TM9SF3: variants seen among roughly 807,000 people sequenced by gnomAD.
TM9SF3 encodes transmembrane 9 superfamily member 3.
TM9SF3 carries 14 observed loss-of-function variants against 78.6 expected under a neutral mutation model. The ratio of observed to expected loss-of-function variants is 0.18; its 90% CI spans 0.12 to 0.28. TM9SF3 has a LOEUF of 0.28. Among genes scored for constraint, TM9SF3 ranks in the 10% least tolerant of loss-of-function variants. TM9SF3 has a pLI of 1.00. For synonymous variants in TM9SF3, 231 were observed against 241.7 expected, an observed-to-expected ratio of 0.96 and a Z score of 0.41; for missense variants, 496 against 721.9, an observed-to-expected ratio of 0.69 and a Z score of 3.59.
intron 9 of TM9SF3, among the ~76,000 whole-genome samples, chr10:96,536,097 C>G (rs80031991): frequency 0.018 from 2,746 of 151,838 alleles, 77 homozygotes; most frequent in African/African-American, 0.06. Flanking sequence ...GTTCTAAGAT[C>G]GAACACCCAT....
chr10:96,586,757 G>A lies in TM9SF3; in HGVS notation c.79C>T (p.Arg27Trp), dbSNP rs1449468997. ...WLLLLLLPRT[R>W]ADEHEHTYQD... is the part of the protein sequence containing the mutation. ...ACCGTGTGTTCGTGCTCGTCCGCCC[G>A]GGTCCGGGGCAGCAGCAGCAGCAGC... Residue 27 changes from arginine to tryptophan, a missense_variant, in exon 1 of 15, where the codon CGG becomes TGG. Arg to Trp is a moderately radical substitution (Grantham distance 101). Transcript: ENST00000371142. 3.1e-6 allele frequency: 4 copies of A among 1,279,702 alleles called. No homozygotes were observed. The highest frequency in any genetic ancestry group is 3.9e-6 in the Non-Finnish European group (4 of 1,014,102). 79.3% of individuals were successfully genotyped at this position (1,279,702 alleles called of 1,614,324 possible).
chr10:96,564,518 C>T (rs1445820836), intron 3 of TM9SF3, among the ~76,000 whole-genome samples: 1 of 152,198 alleles, frequency 6.6e-6, no homozygotes, highest in Non-Finnish European at 1.5e-5. Flanking sequence ...ATAATTATCT[C>T]TTGATATTAA....
intron 1 of TM9SF3, among the ~76,000 whole-genome samples, chr10:96,582,684 T>C (rs1202753798): frequency 1.3e-5 from 2 of 152,230 alleles, no homozygotes; most frequent in African/African-American, 4.8e-5. Context: ...CATTTTTACA[T>C]ATTCTAGATA....
chr10:96,579,232 C>G (rs531770663), intron 1 of TM9SF3, among the ~76,000 whole-genome samples: 75 of 152,140 alleles, frequency 4.9e-4, no homozygotes, highest in African/African-American at 1.8e-3. Flanking sequence ...GTAAGAGTAC[C>G]TTTTCAGAAA....
At chr10:96,568,842 G>A (rs1394618575) in intron 2 of TM9SF3, among the ~76,000 whole-genome samples, 1 of 151,974 alleles carries the variant, frequency 6.6e-6, no homozygotes, top group Non-Finnish European at 1.5e-5. Context: ...GAACCTCTCA[G>A]TTCCCTTAAC....
intron 5 of TM9SF3, 69 bp from the exon 6 acceptor site, chr10:96,553,128 G>T: frequency 6.9e-7 from 1 of 1,455,036 alleles, no homozygotes. Context: ...GTTCCATGAG[G>T]ACAACCGGAT....
At chr10:96,525,481 T>C (rs1249142386) in intron 14 of TM9SF3, among the ~76,000 whole-genome samples, 1 of 152,036 alleles carries the variant, frequency 6.6e-6, no homozygotes, top group Non-Finnish European at 1.5e-5. Context: ...ACATAGTGTA[T>C]ATGAACTGAA....
Position 96,519,575 on chromosome 10 carries a change from G to T in TM9SF3, c.*2688C>A, listed in dbSNP as rs1273646745. ...CTTAAAGATACACAAGGAATGTTTA[G>T]CCTTAGTTTTTGATAGTATTATCCA... is the stretch of plus-strand genomic sequence containing the variant. On this transcript the variant is annotated 3_prime_UTR_variant, in exon 15 of 15. Transcript: ENST00000371142. 2 of 151,938 alleles carry T rather than the reference G, an allele frequency of 1.3e-5. No homozygotes were observed. The highest frequency in any genetic ancestry group is 2.4e-5 in the African/African-American group (1 of 41,432). 9.4% of individuals were successfully genotyped at this position (151,938 alleles called of 1,614,324 possible).
At chr10:96,574,453 G>A (rs946607537) in intron 2 of TM9SF3, among the ~76,000 whole-genome samples, 4 of 152,168 alleles carry the variant, frequency 2.6e-5, no homozygotes, top group African/African-American at 9.7e-5. Flanking sequence ...GGAGAAACAG[G>A]AATGCTTTTA....
intron 2 of TM9SF3, among the ~76,000 whole-genome samples, chr10:96,571,784 TAAAC>T (rs1341312179): frequency 6.6e-6 from 1 of 152,102 alleles, no homozygotes; most frequent in Admixed American, 6.5e-5. Flanking sequence ...ATCGATAAAA[TAAAC>T]AGAAGGAAGG....
chr10:96,537,799 C>T (rs1818069290), intron 9 of TM9SF3, among the ~76,000 whole-genome samples: 1 of 152,108 alleles, frequency 6.6e-6, no homozygotes, highest in Non-Finnish European at 1.5e-5. Context: ...CATTCACCAA[C>T]AGAATAATAT....
At chr10:96,531,196 T>C (rs1390040594) in intron 10 of TM9SF3, among the ~76,000 whole-genome samples, 1 of 152,218 alleles carries the variant, frequency 6.6e-6, no homozygotes, top group African/African-American at 2.4e-5. Context: ...ATTCCCCACC[T>C]GGATGCCTTC....
intron 2 of TM9SF3, 76 bp downstream of exon 2, chr10:96,576,558 G>T: frequency 7.6e-7 from 1 of 1,317,050 alleles, no homozygotes; most frequent in Non-Finnish European, 1.0e-6. Context: ...TCCAACACCA[G>T]TGTCAATAGT....
intron 1 of TM9SF3, among the ~76,000 whole-genome samples, chr10:96,583,629 T>C (rs1848598879): frequency 1.3e-5 from 2 of 152,240 alleles, no homozygotes; most frequent in East Asian, 1.9e-4. Context: ...ATGTGTGTTA[T>C]CTGCAGGTGA....
intron 14 of TM9SF3, among the ~76,000 whole-genome samples, chr10:96,524,380 C>T (rs952257819): frequency 4.6e-5 from 7 of 151,732 alleles, no homozygotes; most frequent in South Asian, 2.1e-4. Context: ...TGAATCCTTA[C>T]GACACGAAAA....
In TM9SF3 at chr10:96,522,063, G is replaced by A. The variant is rs1225339691; in HGVS notation, c.*200C>T. The A allele has an allele frequency of 1.4e-5, 8 of 572,960 alleles. No homozygotes were observed. Among genetic ancestry groups the A allele is most frequent in the Non-Finnish European group, 2.4e-5 (8 of 327,700 alleles). The allele number at this position is 572,960 out of a possible 1,614,324, so 35.5% of individuals were successfully genotyped here. A position where few individuals can be genotyped will look rare whatever the true frequency, so the allele number is the denominator to read the frequency against. On this transcript the variant is annotated 3_prime_UTR_variant, in exon 15 of 15. Coordinates refer to ENST00000371142, the MANE Select transcript of TM9SF3 (RefSeq NM_020123.4). ...TGCATAAAATCCAAGCATTTGCTGT[G>A]AACAGTTGGAGAAAGCAGTCAGGAA...
In TM9SF3 at chr10:96,553,153, A is replaced by G. The variant is rs891286880; in HGVS notation, c.661-94T>C. ...GACAACCGGATGTTAATGCAAAGAA[A>G]AAAAAAAGTCTTTAATTAAATCCTT... On this transcript the variant is annotated intron_variant, in intron 5 of 14. Coordinates refer to ENST00000371142, the MANE Select transcript of TM9SF3 (RefSeq NM_020123.4). The G allele has an allele frequency of 4.4e-5, 58 of 1,305,926 alleles. No individual in the cohort carries two copies. The African/African-American group carries it at 8.6e-4, about 19-fold the overall frequency. 80.9% of individuals were successfully genotyped at this position (1,305,926 alleles called of 1,614,324 possible).
At chr10:96,561,294 T>C (rs1848306016) in intron 4 of TM9SF3, among the ~76,000 whole-genome samples, 1 of 152,242 alleles carries the variant, frequency 6.6e-6, no homozygotes. Flanking sequence ...ACTGCATTAC[T>C]TTTATTACAA....
intron 8 of TM9SF3, 130 bp from the exon 9 acceptor site, chr10:96,544,336 C>T (rs901315518): frequency 3.7e-6 from 3 of 814,052 alleles, no homozygotes; most frequent in African/African-American, 3.5e-5. Flanking sequence ...CTAACAAATA[C>T]CAAAGATTTC....
Sources: allele counts gnomAD v4.1 joint callset (sites outside exome capture counted in the v4.1 genomes callset), GRCh38; gene constraint gnomAD v4.1.1; transcripts MANE v1.5; gene names NCBI Gene and HGNC (gene_info 2026-07-23, HGNC 2026-07-21).